The following RORB variants were observed in gnomAD, a reference collection of about 807,000 sequenced individuals.
RORB encodes the protein RAR related orphan receptor B.
In RORB, 6 loss-of-function variants were observed where a neutral mutation model predicts 59.1. That is an observed-to-expected ratio of 0.10 (90% CI 0.06 to 0.20). The LOEUF (loss-of-function observed/expected upper bound fraction) is 0.20. Ranked by LOEUF, RORB falls within the 10% of genes least tolerant of loss-of-function variation. The pLI, the probability that RORB is intolerant of heterozygous loss-of-function variation, is 1.00. For missense variants in RORB, 320 were observed against 560.5 expected (o/e 0.57, Z 4.33); for synonymous variants, 215 against 204.5 (o/e 1.05, Z -0.44).
At chr9:74,514,344 C>A (rs1462894121) in intron 1 of RORB, among the ~76,000 whole-genome samples, 1 of 151,986 alleles carries the variant, frequency 6.6e-6, no homozygotes, top group African/African-American at 2.4e-5. Context: ...GACTTTGTGG[C>A]CCATGTGGTC....
chr9:74,670,085 A>G (rs2118540283), intron 8 of RORB, among the ~76,000 whole-genome samples: 1 of 151,462 alleles, frequency 6.6e-6, no homozygotes, highest in African/African-American at 2.4e-5. Context: ...TTTTTTTTAA[A>G]CCCTAGAAAG....
chr9:74,571,095 T>C (rs934912153), intron 1 of RORB, among the ~76,000 whole-genome samples: 1 of 152,026 alleles, frequency 6.6e-6, no homozygotes, highest in Non-Finnish European at 1.5e-5. Flanking sequence ...CAAGGCTAAG[T>C]CAGTACTGTA....
intron 1 of RORB, among the ~76,000 whole-genome samples, chr9:74,533,208 G>A (rs544060874): frequency 1.3e-5 from 2 of 151,938 alleles, no homozygotes; most frequent in South Asian, 2.1e-4. Flanking sequence ...TCTCACAAAC[G>A]TAACTTCCCC....
chr9:74,569,779 C>T (rs1822522822), intron 1 of RORB, among the ~76,000 whole-genome samples: 1 of 152,016 alleles, frequency 6.6e-6, no homozygotes, highest in Non-Finnish European at 1.5e-5. Context: ...AATCTGACAA[C>T]TCTAATACAA....
chr9:74,518,684 A>G (rs554705914), intron 1 of RORB, among the ~76,000 whole-genome samples: 1 of 152,066 alleles, frequency 6.6e-6, no homozygotes, highest in Non-Finnish European at 1.5e-5. Flanking sequence ...CTTTTCTTAC[A>G]TTGTTACAAG....
chr9:74,590,709 T>C (rs553962753), intron 1 of RORB, among the ~76,000 whole-genome samples: 9 of 152,370 alleles, frequency 5.9e-5, no homozygotes, highest in Non-Finnish European at 1.2e-4. Flanking sequence ...TTTGCAGACA[T>C]ACATCGTTGC....
intron 1 of RORB, among the ~76,000 whole-genome samples, chr9:74,532,700 A>G (rs1826260741): frequency 6.7e-6 from 1 of 150,006 alleles, no homozygotes; most frequent in Non-Finnish European, 1.5e-5. Flanking sequence ...ACTTATACAT[A>G]TATGTTTATA....
chr9:74,664,929 T>C (rs1300288118), intron 6 of RORB, among the ~76,000 whole-genome samples: 1 of 152,178 alleles, frequency 6.6e-6, no homozygotes, highest in East Asian at 1.9e-4. Context: ...AAAACAGTGG[T>C]AGTAAACAAA....
At chr9:74,621,728 T>C (rs1823423025) in intron 1 of RORB, among the ~76,000 whole-genome samples, 1 of 152,220 alleles carries the variant, frequency 6.6e-6, no homozygotes, top group Non-Finnish European at 1.5e-5. Context: ...ATTCCATTTG[T>C]TCTGTATCCT....
intron 1 of RORB, among the ~76,000 whole-genome samples, chr9:74,557,503 T>G (rs1252263689): frequency 6.6e-6 from 1 of 152,184 alleles, no homozygotes; most frequent in African/African-American, 2.4e-5. Flanking sequence ...AATAAATTCT[T>G]TAATTGTTTC....
At chr9:74,542,030 A>G (rs1826414548) in intron 1 of RORB, among the ~76,000 whole-genome samples, 1 of 152,226 alleles carries the variant, frequency 6.6e-6, no homozygotes, top group Admixed American at 6.5e-5. Context: ...TCTCAAATAA[A>G]TGGTAGTACC....
chr9:74,560,835 C>T (rs547385499), intron 1 of RORB, among the ~76,000 whole-genome samples: 11 of 152,192 alleles, frequency 7.2e-5, no homozygotes, highest in African/African-American at 1.9e-4. Context: ...TTTCCTACAA[C>T]GACGTGGGTT....
rs1002547720 is a variant in RORB, at chr9:74,594,189, T to A, written c.8-36093T>A. On this transcript the variant is annotated intron_variant, in intron 1 of 9. Transcript: ENST00000376896. ...TCAATTGACTGAAATAAGGAACATT[T>A]ACCCTGATGAGCCCTGAGTTATCCA... is the stretch of plus-strand genomic sequence containing the variant. Among the ~76,000 whole-genome samples, 4 of 152,294 alleles carry A rather than the reference T, an allele frequency of 2.6e-5. No homozygotes were observed. The South Asian group carries it at 8.3e-4, about 32-fold the overall frequency.
intron 9 of RORB, among the ~76,000 whole-genome samples, chr9:74,679,054 CAAACAAAAAAAA>C (rs1824495168): frequency 7.3e-6 from 1 of 137,050 alleles, no homozygotes; most frequent in Non-Finnish European, 1.6e-5. Context: ...CAAAAACAAA[CAAACAAAAAAAA>C]AAACAAAAAA....
intron 1 of RORB, among the ~76,000 whole-genome samples, chr9:74,547,388 A>G (rs1826515741): frequency 6.6e-6 from 1 of 152,156 alleles, no homozygotes; most frequent in Admixed American, 6.5e-5. Flanking sequence ...GATGATTAAA[A>G]ATCTGTCAGT....
chr9:74,660,892 A>G (rs1824170218), intron 5 of RORB, among the ~76,000 whole-genome samples, 154 bp downstream of exon 5: 1 of 152,314 alleles, frequency 6.6e-6, no homozygotes, highest in East Asian at 1.9e-4. Context: ...GGCCCTACCC[A>G]CTAGATGTGC....
chr9:74,684,568 C>T (rs765463210), intron 9 of RORB, among the ~76,000 whole-genome samples: 1 of 151,762 alleles, frequency 6.6e-6, no homozygotes, highest in Non-Finnish European at 1.5e-5. Flanking sequence ...TTGTTCATCT[C>T]CTAAGACCCA....
chr9:74,502,428 C>A (rs977196010), intron 1 of RORB, among the ~76,000 whole-genome samples: 3 of 151,956 alleles, frequency 2.0e-5, no homozygotes, highest in Non-Finnish European at 4.4e-5. Context: ...ATGACATCAC[C>A]TTTTATAAAC....
chr9:74,621,360 T>G (rs1417816526), intron 1 of RORB, among the ~76,000 whole-genome samples: 1 of 152,228 alleles, frequency 6.6e-6, no homozygotes, highest in Non-Finnish European at 1.5e-5. Context: ...GGAATCAAAC[T>G]GTCTTGTTTC....
Sources: allele counts gnomAD v4.1 joint callset (sites outside exome capture counted in the v4.1 genomes callset), GRCh38; gene constraint gnomAD v4.1.1; transcripts MANE v1.5; gene names NCBI Gene and HGNC (gene_info 2026-07-23, HGNC 2026-07-21).